Variants in STAB2 observed in about 807,000 individuals in gnomAD.
The protein encoded by STAB2 is stabilin-2.
In STAB2, 288 loss-of-function variants were observed where a neutral mutation model predicts 338.1. That is an observed-to-expected ratio of 0.85 (90% CI 0.77 to 0.94). STAB2 has a LOEUF of 0.94. Among genes scored for constraint, STAB2 ranks in the 40% least tolerant of loss-of-function variants. STAB2 has a pLI of 0.00. For synonymous variants in STAB2, 1,202 were observed against 1,193.3 expected (o/e 1.01, Z -0.15); for missense variants, 3,141 against 3,210.1 (o/e 0.98, Z 0.52).
chr12:103,764,480 C>G (rs1884771927), intron 68 of STAB2, among the ~76,000 whole-genome samples: 1 of 152,112 alleles, frequency 6.6e-6, no homozygotes, highest in African/African-American at 2.4e-5. Flanking sequence ...CCAGGGGGAC[C>G]CCTTGGCAGG....
chr12:103,665,540 G>A (rs1445085243), intron 18 of STAB2, among the ~76,000 whole-genome samples: 1 of 152,176 alleles, frequency 6.6e-6, no homozygotes, highest in Non-Finnish European at 1.5e-5. Context: ...TGAACCCAGT[G>A]AGAGCAGGAA....
At chr12:103,727,090 CCA>C (rs956341839) in intron 46 of STAB2, among the ~76,000 whole-genome samples, 175 bp from the exon 47 acceptor site, 1 of 152,150 alleles carries the variant, frequency 6.6e-6, no homozygotes, top group Non-Finnish European at 1.5e-5. Flanking sequence ...GAGAAGAAAA[CCA>C]CACACAATTT....
chr12:103,620,963 G>T (rs181971606), intron 4 of STAB2, among the ~76,000 whole-genome samples: 138 of 152,198 alleles, frequency 9.1e-4, no homozygotes, highest in African/African-American at 3.0e-3. Flanking sequence ...TGGGTGTGGT[G>T]GTGGGCGCCT....
intron 6 of STAB2, among the ~76,000 whole-genome samples, chr12:103,635,879 T>C (rs1445549020): frequency 6.6e-6 from 1 of 152,090 alleles, no homozygotes; most frequent in African/African-American, 2.4e-5. Flanking sequence ...TTCCAGCAAA[T>C]ATTGTCAAGG....
intron 65 of STAB2, 82 bp downstream of exon 65, chr12:103,759,355 G>A (rs1159988970): frequency 2.6e-6 from 4 of 1,541,944 alleles, no homozygotes; most frequent in Non-Finnish European, 3.5e-6. Flanking sequence ...CTTAATAGAT[G>A]GCAACTATTA....
intron 21 of STAB2, among the ~76,000 whole-genome samples, 189 bp from the exon 22 acceptor site, chr12:103,670,507 C>T (rs535877066): frequency 6.6e-6 from 1 of 152,306 alleles, no homozygotes; most frequent in African/African-American, 2.4e-5. Context: ...TAAATCCTGG[C>T]TTGGGATTCC....
intron 53 of STAB2, 51 bp downstream of exon 53, chr12:103,737,831 G>T (rs2271640): frequency 0.15 from 238,316 of 1,607,232 alleles, 19,116 homozygotes; most frequent in East Asian, 0.2. Context: ...CCAAAGAATG[G>T]CCCTCATGAT....
chr12:103,766,359 C>CCA lies in STAB2; in HGVS notation c.*24_*25dup, dbSNP rs749968508. ...TGAGGGCCTGGACGGGAGATGCCAG[C>CCA]CATCACTCACTGCCACCTGGGCCAT... is the stretch of plus-strand genomic sequence containing the variant. On this transcript the variant is annotated 3_prime_UTR_variant, in exon 69 of 69. Transcript: ENST00000388887. The CCA allele has an allele frequency of 1.3e-6, 2 of 1,594,166 alleles. No homozygotes were observed. Among genetic ancestry groups the CCA allele is most frequent in the African/African-American group, 2.7e-5 (2 of 74,532 alleles).
intron 12 of STAB2, among the ~76,000 whole-genome samples, chr12:103,653,718 G>GGATA (rs1405306437): frequency 6.7e-6 from 1 of 149,098 alleles, no homozygotes. Context: ...ATAGATGGAT[G>GGATA]GATGGATGGA....
intron 49 of STAB2, among the ~76,000 whole-genome samples, chr12:103,731,016 A>G (rs1881593697): frequency 6.6e-6 from 1 of 152,162 alleles, no homozygotes; most frequent in South Asian, 2.1e-4. Context: ...GTGACCTGAG[A>G]TCATGCTACT....
intron 38 of STAB2, 63 bp downstream of exon 38, chr12:103,707,050 A>C: frequency 6.4e-7 from 1 of 1,570,770 alleles, no homozygotes. Context: ...ATATGCAGGG[A>C]AAGAGTGATC....
intron 51 of STAB2, among the ~76,000 whole-genome samples, chr12:103,734,223 TAGG>T (rs577340829): frequency 3.6e-5 from 5 of 138,012 alleles, no homozygotes; most frequent in South Asian, 2.3e-4. Context: ...CACGATCACA[TAGG>T]AGCAAACATC....
intron 44 of STAB2, among the ~76,000 whole-genome samples, chr12:103,719,547 G>A (rs2139034649): frequency 6.6e-6 from 1 of 152,344 alleles, no homozygotes; most frequent in African/African-American, 2.4e-5. Context: ...AGCTTCTGGT[G>A]ACTCCAGGCA....
At chr12:103,615,514 G>T (rs1957196473) in intron 3 of STAB2, among the ~76,000 whole-genome samples, 1 of 152,202 alleles carries the variant, frequency 6.6e-6, no homozygotes, top group Admixed American at 6.5e-5. Flanking sequence ...TGGACTAGAA[G>T]GAGTCATGAG....
rs1287156374 is a variant in STAB2, at chr12:103,711,487, C to T, written c.4305C>T (p.Asn1435=). Residue 1435 remains asparagine, a synonymous_variant, in exon 40 of 69, where the codon AAC becomes AAT. Coordinates refer to ENST00000388887, the MANE Select transcript of STAB2 (RefSeq NM_017564.10). ...VHCDNATTED[N]CNGTCHTSAN... is the part of the protein sequence containing the mutation. ...CTTTTTCAGCAACCACAGAAGACAACTGCAATGGGACATGCCATACCAGCG... is the reference window on the plus strand; with the variant it reads ...CTTTTTCAGCAACCACAGAAGACAATTGCAATGGGACATGCCATACCAGCG... The T allele has an allele frequency of 1.2e-6, 2 of 1,614,010 alleles. No individual in the cohort carries two copies. The highest frequency in any genetic ancestry group is 2.7e-5 in the African/African-American group (2 of 74,926).
intron 44 of STAB2, among the ~76,000 whole-genome samples, chr12:103,718,500 TTCTC>T (rs10587648): frequency 6.6e-6 from 1 of 152,012 alleles, no homozygotes; most frequent in Non-Finnish European, 1.5e-5. Context: ...GTTCTCCCAG[TTCTC>T]TCTCTCTAAA....
intron 34 of STAB2, among the ~76,000 whole-genome samples, chr12:103,702,583 G>C (rs1878995396): frequency 6.6e-6 from 1 of 152,240 alleles, no homozygotes; most frequent in South Asian, 2.1e-4. Context: ...ACAGGCGTGA[G>C]CCACCGCGCC....
At chr12:103,607,399 A>ATT (rs1957046553) in intron 3 of STAB2, among the ~76,000 whole-genome samples, 1 of 83,298 alleles carries the variant, frequency 1.2e-5, no homozygotes, top group Admixed American at 1.5e-4. Flanking sequence ...GTTTTTTTTT[A>ATT]ATTATACTTT....
chr12:103,670,347 T>C (rs757489419), intron 21 of STAB2, among the ~76,000 whole-genome samples: 11 of 152,218 alleles, frequency 7.2e-5, no homozygotes, highest in Non-Finnish European at 1.5e-4. Context: ...CACTGCAGTT[T>C]GGAGTCACAG....
Sources: gnomAD v4.1 joint callset for allele counts (sites outside exome capture counted in the v4.1 genomes callset) on GRCh38, gnomAD v4.1.1 for gene constraint, MANE v1.5 for transcripts, NCBI Gene and HGNC (gene_info 2026-07-23, HGNC 2026-07-21) for gene names.